Variants in SEZ6L2 observed in about 807,000 individuals in gnomAD.
SEZ6L2 encodes seizure 6-like protein 2.
Under a neutral mutation model 97.0 loss-of-function variants are expected in SEZ6L2, and 44 were observed. The ratio of observed to expected loss-of-function variants is 0.45; its 90% CI spans 0.36 to 0.58. The LOEUF is 0.58. Among genes scored for constraint, SEZ6L2 ranks in the 20% least tolerant of loss-of-function variants. The pLI, the probability that SEZ6L2 is intolerant of heterozygous loss-of-function variation, is 0.00. For missense variants in SEZ6L2, 1,086 were observed against 1,233.3 expected, an observed-to-expected ratio of 0.88 and a Z score of 1.79; for synonymous variants, 543 against 546.1, an observed-to-expected ratio of 0.99 and a Z score of 0.08.
At chr16:29,888,939 T>C (rs759263246) in intron 5 of SEZ6L2, among the ~76,000 whole-genome samples, 3 of 152,012 alleles carry the variant, frequency 2.0e-5, no homozygotes, top group Non-Finnish European at 4.4e-5. Flanking sequence ...CCCCCACTCA[T>C]TGTAATTCAC....
chr16:29,898,816 C>A, intron 1 of SEZ6L2, 125 bp downstream of exon 1: 1 of 717,922 alleles, frequency 1.4e-6, no homozygotes, highest in Non-Finnish European at 2.3e-6. Context: ...CTTGCCCCTT[C>A]CCCATCAGCT....
At chr16:29,887,451 C>A (rs2150802308) in intron 7 of SEZ6L2, among the ~76,000 whole-genome samples, 198 bp downstream of exon 7, 1 of 150,902 alleles carries the variant, frequency 6.6e-6, no homozygotes, top group South Asian at 2.1e-4. Context: ...CAGGTGCCCA[C>A]CACCATGCCC....
intron 12 of SEZ6L2, among the ~76,000 whole-genome samples, chr16:29,875,297 G>A (rs1009782775): frequency 6.6e-6 from 1 of 152,218 alleles, no homozygotes; most frequent in Non-Finnish European, 1.5e-5. Flanking sequence ...GAGTGGCAGA[G>A]CCGGAATCTG....
At chr16:29,883,365 G>A (rs1027075741) in intron 8 of SEZ6L2, among the ~76,000 whole-genome samples, 1 of 151,946 alleles carries the variant, frequency 6.6e-6, no homozygotes, top group African/African-American at 2.4e-5. Context: ...GGAGCACAGT[G>A]GTGCAATCAT....
rs771092490 is a variant in SEZ6L2, at chr16:29,896,816, C to T, written c.511+6G>A. On this transcript the variant is annotated splice_donor_region_variant and intron_variant, in intron 3 of 17. Transcript: ENST00000617533. ...TCCCACCCCCATCCCCTTGCTGTCG[C>T]CTCACCTGGGCTGGTCACCGTAGTG... The T allele has an allele frequency of 1.9e-6, 3 of 1,612,680 alleles. No homozygotes were observed. The South Asian group carries it at 3.3e-5, about 18-fold the overall frequency.
intron 8 of SEZ6L2, among the ~76,000 whole-genome samples, chr16:29,884,023 C>T (rs1277104828): frequency 2.0e-5 from 3 of 152,156 alleles, no homozygotes; most frequent in Non-Finnish European, 4.4e-5. Context: ...GTTTCTACCC[C>T]TTCACATTCA....
chr16:29,898,423 TTCTCTCTC>T (rs112555002), intron 1 of SEZ6L2, among the ~76,000 whole-genome samples: 5 of 146,810 alleles, frequency 3.4e-5, no homozygotes, highest in East Asian at 4.1e-4. Context: ...TGGCTGTCTT[TTCTCTCTC>T]TCTCTCTCTC....
Position 29,873,557 on chromosome 16 carries a change from A to G in SEZ6L2, c.2277T>C (p.Asp759=). 2 of 1,614,130 alleles carry G rather than the reference A, an allele frequency of 1.2e-6. No homozygotes were observed. Among genetic ancestry groups the G allele is most frequent in the South Asian group, 1.1e-5 (1 of 91,090 alleles). ...ACTCACAGGCGCATTTGGGGACCCT[A>G]TCGCTCCACTTGGGTGTGCCTGTGT... ...SRDTGTPKWS[D]RVPKCALKYE... Residue 759 remains aspartate (D), a synonymous_variant, in exon 13 of 18, where the codon GAT becomes GAC. Coordinates refer to ENST00000617533, the MANE Select transcript of SEZ6L2 (RefSeq NM_001243332.2). The surrounding 1 kb of genome is among the most constrained non-coding windows in gnomAD (Gnocchi z 4.3).
Position 29,873,817 on chromosome 16 carries a change from T to A in SEZ6L2, c.2105-88A>T. ...AGAGAGACCCCATCTCTACAAAAAA[T>A]TGAAAAATTAGCCAGGAGTGGTGGC... is the stretch of plus-strand genomic sequence containing the variant. On this transcript the variant is annotated intron_variant, in intron 12 of 17. Transcript: ENST00000617533. This position sits in a 1 kb window ranked among gnomAD's most constrained non-coding sequence, Gnocchi z 4.3. The A allele has an allele frequency of 1.6e-6, 2 of 1,284,082 alleles. No homozygotes were observed. Among genetic ancestry groups the A allele is most frequent in the Non-Finnish European group, 2.1e-6 (2 of 951,632 alleles). The allele number at this position is 1,284,082 out of a possible 1,614,324, so 79.5% of individuals were successfully genotyped here.
In SEZ6L2 at chr16:29,897,122, C is replaced by A; in HGVS notation, c.212-1G>T. 1 of 1,557,690 alleles carries A rather than the reference C, an allele frequency of 6.4e-7. No homozygotes were observed. Among genetic ancestry groups the A allele is most frequent in the East Asian group, 2.3e-5 (1 of 43,886 alleles). On this transcript the variant is annotated splice_acceptor_variant, in intron 2 of 17. Coordinates refer to ENST00000617533, the MANE Select transcript of SEZ6L2 (RefSeq NM_001243332.2). LOFTEE classifies it high-confidence loss of function. ...GCTAGCGTGGGGTCCCGATCAGATC[C>A]TGGGACAGTGCAGGGAATATCAGAG... is the stretch of plus-strand genomic sequence containing the variant.
intron 16 of SEZ6L2, 42 bp from the exon 17 acceptor site, chr16:29,872,325 C>A (rs774492214): frequency 1.3e-6 from 2 of 1,597,762 alleles, no homozygotes; most frequent in South Asian, 1.1e-5. Flanking sequence ...AACAGGTAAG[C>A]CCCTGAGCTC....
At chr16:29,898,918 C>T (rs771271483) in intron 1 of SEZ6L2, 23 bp downstream of exon 1, 2 of 1,596,040 alleles carry the variant, frequency 1.3e-6, no homozygotes, top group East Asian at 2.2e-5. Flanking sequence ...CTGGGGCCCA[C>T]CCCCACAGTC....
At position 29,895,758 on chromosome 16, in the gene SEZ6L2, C is replaced by T. The variant is rs148472477; in HGVS notation, c.614G>A (p.Ser205Asn). ...GCCGTAGCCAGGGTAGACATGGATG[C>T]TGTAAGTGCAGTCCAGGAGCCCCAG... is the stretch of plus-strand genomic sequence containing the variant. ...RTLGLLDCTY[S>N]IHVYPGYGIE... Residue 205 changes from serine (S) to asparagine (N), a missense_variant, in exon 4 of 18, where the codon AGC (serine) becomes AAC (asparagine). Ser to Asn is a conservative substitution (Grantham distance 46). Transcript: ENST00000617533. 3 of 1,614,096 alleles carry T rather than the reference C, an allele frequency of 1.9e-6. No homozygotes were observed. The highest frequency in any genetic ancestry group is 1.6e-4 in the Middle Eastern group (1 of 6,062).
At chr16:29,884,215 A>T (rs1018235201) in intron 8 of SEZ6L2, among the ~76,000 whole-genome samples, 4 of 152,154 alleles carry the variant, frequency 2.6e-5, no homozygotes, top group African/African-American at 9.7e-5. Flanking sequence ...CCAGGATCTT[A>T]GTCAGGTCAA....
rs553207421 is a variant in SEZ6L2 at position 29,876,703 on chromosome 16, G to T, written c.2104+53C>A. 56 of 1,462,346 alleles carry T rather than the reference G, an allele frequency of 3.8e-5. No individual in the cohort carries two copies. Among genetic ancestry groups the T allele is most frequent in the East Asian group, 5.0e-5 (2 of 39,956 alleles). The allele number at this position is 1,462,346 out of a possible 1,614,324, so 90.6% of individuals were successfully genotyped here. On this transcript the variant is annotated intron_variant, in intron 12 of 17. Coordinates refer to ENST00000617533, the MANE Select transcript of SEZ6L2 (RefSeq NM_001243332.2). The surrounding 1 kb of genome is among the most constrained non-coding windows in gnomAD (Gnocchi z 6.5). ...GGTCGGGACAGGACAGGCCGACGAC[G>T]GGGCCCACAGGGAAGGGGCGGGGCC...
intron 4 of SEZ6L2, 69 bp from the exon 5 acceptor site, chr16:29,895,529 T>C: frequency 6.5e-7 from 1 of 1,548,494 alleles, no homozygotes. Flanking sequence ...GCCCCTGTCC[T>C]GTGCCTTTGC....
chr16:29,887,764 C>T lies in SEZ6L2; in HGVS notation c.1093G>A (p.Glu365Lys). The T allele has an allele frequency of 1.9e-6, 3 of 1,613,934 alleles. No homozygotes were observed. Among genetic ancestry groups the T allele is most frequent in the Non-Finnish European group, 2.5e-6 (3 of 1,179,952 alleles). Residue 365 changes from glutamate to lysine, a missense_variant, in exon 7 of 18, where the codon GAG becomes AAG. This residue lies in a region of SEZ6L2 where 776 missense variants were observed against 794.7 expected (regional missense o/e 0.98). Transcript: ENST00000617533. ...TTGGGCCCTACGGCTCCCCCAGGCT[C>T]TGGGGACACGATGCGGCCCAGGGTG... is the stretch of plus-strand genomic sequence containing the variant. ...NATLGRIVSP[E>K]PGGAVGPNLT...
Position 29,897,125 on chromosome 16 carries a change from G to T in SEZ6L2, c.212-4C>A, listed in dbSNP as rs2068419446. ...AGCGTGGGGTCCCGATCAGATCCTGGGACAGTGCAGGGAATATCAGAGCAC... is the reference window on the plus strand; with the variant it reads ...AGCGTGGGGTCCCGATCAGATCCTGTGACAGTGCAGGGAATATCAGAGCAC... On this transcript the variant is annotated splice_region_variant and splice_polypyrimidine_tract_variant and intron_variant, in intron 2 of 17. Transcript: ENST00000617533. 1.9e-6 allele frequency: 3 copies of T among 1,553,350 alleles called. No individual in the cohort carries two copies. The highest frequency in any genetic ancestry group is 2.6e-6 in the Non-Finnish European group (3 of 1,154,528).
intron 10 of SEZ6L2, 96 bp from the exon 11 acceptor site, chr16:29,877,563 C>T: frequency 1.7e-6 from 2 of 1,151,358 alleles, no homozygotes; most frequent in Non-Finnish European, 1.2e-6. Flanking sequence ...GGTAGCCCCT[C>T]CTACTCTCCA....
Sources: gnomAD v4.1 joint callset for allele counts (sites outside exome capture counted in the v4.1 genomes callset) on GRCh38, gnomAD v4.1.1 for gene constraint, gnomAD v4.1.1 regional missense constraint, Gnocchi (gnomAD v3.1) non-coding constraint, MANE v1.5 for transcripts, NCBI Gene and HGNC (gene_info 2026-07-23, HGNC 2026-07-21) for gene names.